CYP19A1: variants seen among roughly 807,000 people sequenced by gnomAD.
CYP19A1 encodes cytochrome P450 family 19 subfamily A member 1.
A neutral mutation model predicts 44.4 loss-of-function variants in CYP19A1; 32 were observed. That is an observed-to-expected ratio of 0.72 (90% CI 0.54 to 0.97). The LOEUF (loss-of-function observed/expected upper bound fraction) is 0.97. CYP19A1 is among the 50% of genes least tolerant of loss of function. The pLI is 0.00. For missense variants in CYP19A1, 598 were observed against 637.8 expected, an observed-to-expected ratio of 0.94 and a Z score of 0.67; for synonymous variants, 212 against 215.6, an observed-to-expected ratio of 0.98 and a Z score of 0.14.
intron 3 of CYP19A1, among the ~76,000 whole-genome samples, chr15:51,234,761 G>T (rs2033274495): frequency 6.6e-6 from 1 of 152,140 alleles, no homozygotes; most frequent in Admixed American, 6.5e-5. Flanking sequence ...TCCCAGGGGA[G>T]TATTAAACAC....
intron 1 of CYP19A1, among the ~76,000 whole-genome samples, chr15:51,290,676 A>G (rs1461030734): frequency 6.6e-6 from 1 of 152,228 alleles, no homozygotes; most frequent in African/African-American, 2.4e-5. Flanking sequence ...GGGAAGAGAA[A>G]GATGAAGAGT....
chr15:51,281,378 A>G (rs2035511441), intron 1 of CYP19A1, among the ~76,000 whole-genome samples: 1 of 152,340 alleles, frequency 6.6e-6, no homozygotes, highest in Admixed American at 6.5e-5. Flanking sequence ...GTAGAAGCTC[A>G]GCCAGTACTA....
intron 1 of CYP19A1, among the ~76,000 whole-genome samples, chr15:51,291,605 C>G (rs1446028406): frequency 6.6e-6 from 1 of 152,138 alleles, no homozygotes; most frequent in Non-Finnish European, 1.5e-5. Context: ...GAAGCCGCAG[C>G]AAGACCAACG....
intron 1 of CYP19A1, among the ~76,000 whole-genome samples, chr15:51,250,829 C>T (rs549614091): frequency 1.3e-5 from 2 of 152,298 alleles, no homozygotes; most frequent in African/African-American, 4.8e-5. Context: ...CATGACTTCA[C>T]TTTTCAATTC....
Position 51,215,719 on chromosome 15 carries a change from T to G in CYP19A1, c.842A>C (p.Glu281Ala), listed in dbSNP as rs1209194781. 6.2e-7 allele frequency: 1 copy of G among 1,614,042 alleles called. No homozygotes were observed. The highest frequency in any genetic ancestry group is 1.7e-5 in the Admixed American group (1 of 60,024). Residue 281 changes from glutamate (E) to alanine (A), a missense_variant, in exon 7 of 10, where the codon GAG (glutamate) becomes GCG (alanine). Glu to Ala is a moderately radical substitution (Grantham distance 107). Transcript: ENST00000396402. Reference protein sequence around the residue: ...KLEECMDFATELILAEKRGDL... With the variant: ...KLEECMDFATALILAEKRGDL... ...GGTCAGTACCTCTGCTAAAATCAACTCAGTGGCAAAGTCCATACATTCTTC... is the reference window on the plus strand; with the variant it reads ...GGTCAGTACCTCTGCTAAAATCAACGCAGTGGCAAAGTCCATACATTCTTC...
chr15:51,245,611 C>T (rs2034018249), intron 1 of CYP19A1, among the ~76,000 whole-genome samples: 1 of 152,142 alleles, frequency 6.6e-6, no homozygotes. Context: ...AAAATTTTTG[C>T]AACCTACTCA....
intron 1 of CYP19A1, among the ~76,000 whole-genome samples, chr15:51,308,878 C>G (rs781539465): frequency 5.3e-5 from 8 of 152,166 alleles, no homozygotes; most frequent in Non-Finnish European, 8.8e-5. Flanking sequence ...GCACAGGGTA[C>G]CCTTGCTGAC....
chr15:51,287,027 A>G (rs2035719029), intron 1 of CYP19A1, among the ~76,000 whole-genome samples: 1 of 152,214 alleles, frequency 6.6e-6, no homozygotes, highest in Non-Finnish European at 1.5e-5. Context: ...GGTGGCATCA[A>G]TAGAGGGCAG....
At chr15:51,283,990 C>G (rs1356960734) in intron 1 of CYP19A1, among the ~76,000 whole-genome samples, 1 of 152,230 alleles carries the variant, frequency 6.6e-6, no homozygotes, top group East Asian at 1.9e-4. Flanking sequence ...AACAGTTGGT[C>G]TATTACTTGG....
At chr15:51,221,275 G>A (rs1449228409) in intron 5 of CYP19A1, 1 of 152,050 alleles carries the variant, frequency 6.6e-6, no homozygotes, top group East Asian at 1.9e-4. Context: ...TTTTCTTTGT[G>A]TACATGTATT....
At chr15:51,235,653 G>T (rs2033344692) in intron 3 of CYP19A1, among the ~76,000 whole-genome samples, 2 of 152,166 alleles carry the variant, frequency 1.3e-5, no homozygotes, top group African/African-American at 2.4e-5. Flanking sequence ...TTTCTCCCCT[G>T]CTCCCTTCTT....
At chr15:51,296,542 C>T (rs571938894) in intron 1 of CYP19A1, among the ~76,000 whole-genome samples, 10 of 152,248 alleles carry the variant, frequency 6.6e-5, no homozygotes, top group Admixed American at 1.3e-4. Context: ...TGTACATCCG[C>T]GGGAAACTCG....
chr15:51,331,950 C>A (rs1489438681), intron 1 of CYP19A1, among the ~76,000 whole-genome samples: 1 of 151,894 alleles, frequency 6.6e-6, no homozygotes, highest in Non-Finnish European at 1.5e-5. Context: ...CATACACACA[C>A]ACACATACAT....
chr15:51,282,594 A>T (rs374888412), intron 1 of CYP19A1, among the ~76,000 whole-genome samples: 1 of 152,154 alleles, frequency 6.6e-6, no homozygotes, highest in Non-Finnish European at 1.5e-5. Context: ...GGCCACCTGG[A>T]CCCACTTTCT....
At chr15:51,321,935 A>AATGC (rs1348851156) in intron 1 of CYP19A1, 2 of 147,434 alleles carry the variant, frequency 1.4e-5, no homozygotes, top group African/African-American at 5.3e-5. Flanking sequence ...AACGGAGAGA[A>AATGC]ATGCTGTTTA....
chr15:51,276,262 C>T (rs571348043), intron 1 of CYP19A1, among the ~76,000 whole-genome samples: 66 of 152,270 alleles, frequency 4.3e-4, no homozygotes, highest in Non-Finnish European at 6.8e-4. Flanking sequence ...TGTCCATCTT[C>T]GTCAGATGGC....
intron 1 of CYP19A1, among the ~76,000 whole-genome samples, chr15:51,288,553 C>A (rs1342216868): frequency 2.0e-5 from 3 of 152,176 alleles, no homozygotes; most frequent in African/African-American, 7.2e-5. Flanking sequence ...ATCCTCTCAC[C>A]CTTTGGCATG....
chr15:51,284,803 AT>A, intron 1 of CYP19A1, among the ~76,000 whole-genome samples: 1 of 152,228 alleles, frequency 6.6e-6, no homozygotes, highest in African/African-American at 2.4e-5. Flanking sequence ...AGGAAAGATA[AT>A]TATATGGGGA....
intron 1 of CYP19A1, among the ~76,000 whole-genome samples, chr15:51,276,644 C>T (rs1208664811): frequency 6.6e-6 from 1 of 152,188 alleles, no homozygotes; most frequent in Non-Finnish European, 1.5e-5. Context: ...AAGGACAAAC[C>T]TATATGCTTC....
Sources: gnomAD v4.1 joint callset for allele counts (sites outside exome capture counted in the v4.1 genomes callset) on GRCh38, gnomAD v4.1.1 for gene constraint, MANE v1.5 for transcripts, NCBI Gene and HGNC (gene_info 2026-07-23, HGNC 2026-07-21) for gene names.